MAP6: variants seen among roughly 807,000 people sequenced by gnomAD.
The protein encoded by MAP6 is microtubule associated protein 6.
A neutral mutation model predicts 42.4 loss-of-function variants in MAP6; 26 were observed. That is an observed-to-expected ratio of 0.61 (90% confidence interval 0.45 to 0.85). The LOEUF is 0.85. MAP6 is among the 40% of genes least tolerant of loss of function. The probability of loss-of-function intolerance (pLI) is 0.00; values close to 1 mark genes in which losing one functional copy is unlikely to be tolerated. For missense variants in MAP6, 966 were observed against 1,099.0 expected (o/e 0.88, Z 1.71); for synonymous variants, 418 against 443.8 (o/e 0.94, Z 0.73).
At chr11:75,605,782 T>G (rs1244715563) in intron 3 of MAP6, 26 bp downstream of exon 3, 1 of 1,607,092 alleles carries the variant, frequency 6.2e-7, no homozygotes, top group Non-Finnish European at 8.5e-7. Flanking sequence ...GAGAGAAGAG[T>G]AAAAGGAAAG....
chr11:75,636,918 C>T (rs138283688), intron 1 of MAP6, among the ~76,000 whole-genome samples: 3 of 152,164 alleles, frequency 2.0e-5, no homozygotes, highest in East Asian at 1.9e-4. Flanking sequence ...CTTCTGGGAG[C>T]GAAATATCTC....
At position 75,668,930 on chromosome 11, in the gene MAP6, G is replaced by A. The variant is rs1046051714; in HGVS notation, c.-561C>T. 5.8e-6 allele frequency: 1 copy of A among 171,122 alleles called. No individual in the cohort carries two copies. Among genetic ancestry groups the A allele is most frequent in the Non-Finnish European group, 1.3e-5 (1 of 79,428 alleles). The allele number at this position is 171,122 out of a possible 1,614,324, so 10.6% of individuals were successfully genotyped here. A position where few individuals can be genotyped will look rare whatever the true frequency, so the allele number is the denominator to read the frequency against. On this transcript the variant is annotated 5_prime_UTR_variant, in exon 1 of 4. Transcript: ENST00000304771. ...CCGCGAGGATGCCGCAGCCGCCGCC[G>A]CCACCGCCTCTTCTCCTGGGAAGCG...
In MAP6 at chr11:75,587,492, T is replaced by G; in HGVS notation, c.2009A>C (p.Lys670Thr). 1 of 1,614,198 alleles carries G rather than the reference T, an allele frequency of 6.2e-7. No homozygotes were observed. Among genetic ancestry groups the G allele is most frequent in the Non-Finnish European group, 8.5e-7 (1 of 1,180,014 alleles). Residue 670 changes from lysine to threonine, a missense_variant, in exon 4 of 4, where the codon AAG becomes ACG. Lys to Thr is a moderately conservative substitution (Grantham distance 78). Coordinates refer to ENST00000304771, the MANE Select transcript of MAP6 (RefSeq NM_033063.2). ...CCCTGAGACCACTAAACCTTGATTC[T>G]TTACAGGCTCAGAGACCATGGAACC... ...NQGSMVSEPV[K>T]NQGLVVSGPV...
chr11:75,601,980 C>G (rs529247229), intron 3 of MAP6, among the ~76,000 whole-genome samples: 22 of 152,064 alleles, frequency 1.4e-4, no homozygotes, highest in Non-Finnish European at 2.4e-4. Context: ...CCACTGTGAT[C>G]AGAGGCGGGG....
chr11:75,598,064 T>C (rs1353953132), intron 3 of MAP6, among the ~76,000 whole-genome samples: 1 of 152,202 alleles, frequency 6.6e-6, no homozygotes, highest in Admixed American at 6.5e-5. Context: ...TATCCCTTGC[T>C]TTCAGAGCTC....
At position 75,603,288 on chromosome 11, in the gene MAP6, G is replaced by A. The variant is rs781432041; in HGVS notation, c.1316+2520C>T. 8.2e-5 allele frequency: 81 copies of A among 985,730 alleles called. No individual in the cohort carries two copies. In the South Asian group the frequency reaches 2.3e-3, roughly 29 times the overall value. The allele number at this position is 985,730 out of a possible 1,614,324, so 61.1% of individuals were successfully genotyped here. ...GGAAATGTACAGAGGCCAGTGGGAC[G>A]AGCTTTGGAAGCTTGGTCACCTTCA... On this transcript the variant is annotated intron_variant, in intron 3 of 3. Coordinates refer to ENST00000304771, the MANE Select transcript of MAP6 (RefSeq NM_033063.2).
At position 75,587,861 on chromosome 11, in the gene MAP6, T is replaced by A. The variant is rs1365892173; in HGVS notation, c.1640A>T (p.Lys547Ile). The change falls in exon 4 of 4, where the codon AAA (lysine) becomes ATA (isoleucine). Residue 547 changes from lysine (K) to isoleucine (I), a missense_variant. Around this residue, in one of 2 missense-constraint regions of MAP6, gnomAD observed 943 missense variants for 1,049.9 expected, o/e 0.90. Transcript: ENST00000304771. ...PKNQSPMVPA[K>I]VKDQGSVVPE... ...TACCACAGAGCCTTGATCCTTAACT[T>A]TTGCTGGAACCATAGGACTTTGATT... 1.9e-6 allele frequency: 3 copies of A among 1,613,936 alleles called. No homozygotes were observed. In the South Asian group the frequency reaches 3.3e-5, roughly 18 times the overall value.
At chr11:75,592,330 A>C (rs745429717) in intron 3 of MAP6, among the ~76,000 whole-genome samples, 2 of 152,192 alleles carry the variant, frequency 1.3e-5, no homozygotes, top group African/African-American at 4.8e-5. Flanking sequence ...ACAGGGGCCA[A>C]CCTCCTTGCC....
chr11:75,636,010 G>GTGTTCCTCCAC (rs1943363002), intron 1 of MAP6: 1 of 152,218 alleles, frequency 6.6e-6, no homozygotes, highest in Non-Finnish European at 1.5e-5. Flanking sequence ...GTGTTCCTAA[G>GTGTTCCTCCAC]AATCACCTTG....
At chr11:75,632,717 A>G (rs1181836557) in intron 1 of MAP6, among the ~76,000 whole-genome samples, 2 of 152,208 alleles carry the variant, frequency 1.3e-5, no homozygotes, top group African/African-American at 4.8e-5. Flanking sequence ...ATTAGAACTA[A>G]CCACTATTGT....
intron 1 of MAP6, among the ~76,000 whole-genome samples, chr11:75,612,091 A>T (rs1025341298): frequency 7.2e-5 from 11 of 152,234 alleles, no homozygotes; most frequent in Non-Finnish European, 1.0e-4. Flanking sequence ...GATGGCACCT[A>T]AGCTCCTCCA....
intron 1 of MAP6, among the ~76,000 whole-genome samples, chr11:75,662,965 T>C (rs1943880668): frequency 6.7e-6 from 1 of 148,942 alleles, no homozygotes; most frequent in African/African-American, 2.5e-5. Context: ...ATTTGTACTT[T>C]TTTTTTTTTT....
intron 3 of MAP6, among the ~76,000 whole-genome samples, chr11:75,599,697 T>G (rs1225137358): frequency 6.6e-6 from 1 of 152,074 alleles, no homozygotes; most frequent in Non-Finnish European, 1.5e-5. Context: ...ATGGGCTTAG[T>G]TTTTATTGGG....
chr11:75,667,360 A>C lies in MAP6; in HGVS notation c.905+105T>G, dbSNP rs1943965378. The C allele has an allele frequency of 9.2e-7, 1 of 1,091,316 alleles. No homozygotes were observed. The highest frequency in any genetic ancestry group is 1.2e-6 in the Non-Finnish European group (1 of 818,926). 67.6% of individuals were successfully genotyped at this position (1,091,316 alleles called of 1,614,324 possible). On this transcript the variant is annotated intron_variant, in intron 1 of 3. Coordinates refer to ENST00000304771, the MANE Select transcript of MAP6 (RefSeq NM_033063.2). This position sits in a 1 kb window ranked among gnomAD's most constrained non-coding sequence, Gnocchi z 5.6. Reference sequence around the variant, plus strand: ...GGGAGAGGGTGTGGCCTGGGACTGGAGGGAGGCTGCACGCTAGGCCTGCGC... The same window carrying C: ...GGGAGAGGGTGTGGCCTGGGACTGGCGGGAGGCTGCACGCTAGGCCTGCGC...
At chr11:75,611,092 T>C (rs189034408) in intron 1 of MAP6, among the ~76,000 whole-genome samples, 2 of 152,242 alleles carry the variant, frequency 1.3e-5, no homozygotes, top group Non-Finnish European at 2.9e-5. Flanking sequence ...CAGGGAACAT[T>C]TGGGGCTGTG....
Position 75,616,979 on chromosome 11 carries a change from G to C in MAP6, c.906-8657C>G, listed in dbSNP as rs1487814748. ...ATGTGAGTAGATAATTAATAGAAAA[G>C]AATGCTCCCTCTCTCTTACATAGAA... is the stretch of plus-strand genomic sequence containing the variant. On this transcript the variant is annotated intron_variant, in intron 1 of 3. Coordinates refer to ENST00000304771, the MANE Select transcript of MAP6 (RefSeq NM_033063.2). 3.9e-5 allele frequency among the ~76,000 whole-genome samples: 6 copies of C among 152,136 alleles called. No homozygotes were observed. The East Asian group carries it at 1.2e-3, about 29-fold the overall frequency.
intron 1 of MAP6, among the ~76,000 whole-genome samples, chr11:75,610,397 G>C (rs145595151): frequency 4.3e-4 from 66 of 152,274 alleles, no homozygotes; most frequent in African/African-American, 1.6e-3. Context: ...CACGAAATAT[G>C]TACTGAGTGC....
At chr11:75,657,106 C>A (rs913593377) in intron 1 of MAP6, among the ~76,000 whole-genome samples, 2 of 149,644 alleles carry the variant, frequency 1.3e-5, no homozygotes, top group African/African-American at 5.0e-5. Flanking sequence ...TGTGTGGAGA[C>A]ACTATTTTTT....
Position 75,668,473 on chromosome 11 carries a change from A to C in MAP6, c.-104T>G. 7.2e-7 allele frequency: 1 copy of C among 1,380,670 alleles called. No individual in the cohort carries two copies. Among genetic ancestry groups the C allele is most frequent in the Non-Finnish European group, 9.4e-7 (1 of 1,066,100 alleles). The allele number at this position is 1,380,670 out of a possible 1,614,324, so 85.5% of individuals were successfully genotyped here. ...ATCCTGACCGGCCAATGTGGTTCCC[A>C]CCGTTTTCTACCCCCGATCAGCCGG... is the stretch of plus-strand genomic sequence containing the variant. On this transcript the variant is annotated 5_prime_UTR_variant, in exon 1 of 4. Transcript: ENST00000304771.
Sources: gnomAD v4.1 joint callset for allele counts (sites outside exome capture counted in the v4.1 genomes callset) on GRCh38, gnomAD v4.1.1 for gene constraint, gnomAD v4.1.1 regional missense constraint, Gnocchi (gnomAD v3.1) non-coding constraint, MANE v1.5 for transcripts, NCBI Gene and HGNC (gene_info 2026-07-23, HGNC 2026-07-21) for gene names.